The following CNTNAP4 variants were observed in gnomAD, a reference collection of about 807,000 sequenced individuals.
The protein encoded by CNTNAP4 is contactin associated protein family member 4, also known as contactin-associated protein-like 4.
CNTNAP4 carries 98 observed loss-of-function variants against 148.4 expected under a neutral mutation model. That is an observed-to-expected ratio of 0.66 (90% CI 0.56 to 0.78). The LOEUF is 0.78. Ranked by LOEUF, CNTNAP4 falls within the 30% of genes least tolerant of loss-of-function variation. The pLI is 0.00. For missense variants in CNTNAP4, 1,935 were observed against 1,565.6 expected (o/e 1.24, Z -3.98); for synonymous variants, 730 against 565.1 (o/e 1.29, Z -4.14).
intron 15 of CNTNAP4, among the ~76,000 whole-genome samples, chr16:76,519,295 G>C (rs1049901182): frequency 2.0e-5 from 3 of 152,152 alleles, no homozygotes; most frequent in Non-Finnish European, 4.4e-5. Context: ...TGGTTTCATT[G>C]CTTTAAAGAC....
intron 1 of CNTNAP4, among the ~76,000 whole-genome samples, chr16:76,289,528 A>ATT (rs5817978): frequency 0.33 from 46,558 of 141,776 alleles, 7,834 homozygotes; most frequent in African/African-American, 0.37. Context: ...TGCCTTTAGC[A>ATT]TTTTTTTTTT....
At chr16:76,543,365 T>C (rs1415719280) in intron 21 of CNTNAP4, among the ~76,000 whole-genome samples, 2 of 152,222 alleles carry the variant, frequency 1.3e-5, no homozygotes, top group Admixed American at 1.3e-4. Flanking sequence ...GTGAAATAGA[T>C]CAACAAGAGT....
chr16:76,449,811 G>A lies in CNTNAP4; in HGVS notation c.1024G>A (p.Asp342Asn), dbSNP rs2080389201. 1 of 1,606,760 alleles carries A rather than the reference G, an allele frequency of 6.2e-7. No homozygotes were observed. The highest frequency in any genetic ancestry group is 1.7e-5 in the Admixed American group (1 of 59,098). ...AGAAAATCTCTATTATAATGGAGTGGATATCATTGATTTGGCCAAGCAGCA... is the reference window on the plus strand; with the variant it reads ...AGAAAATCTCTATTATAATGGAGTGAATATCATTGATTTGGCCAAGCAGCA... ...CLENLYYNGV[D>N]IIDLAKQQKP... The change falls in exon 7 of 24, where the codon GAT (aspartate) becomes AAT (asparagine). Residue 342 changes from aspartate (D) to asparagine (N), a missense_variant. Coordinates refer to ENST00000611870, the MANE Select transcript of CNTNAP4 (RefSeq NM_033401.5).
At chr16:76,500,277 T>G (rs1323337795) in intron 15 of CNTNAP4, among the ~76,000 whole-genome samples, 1 of 152,198 alleles carries the variant, frequency 6.6e-6, no homozygotes, top group Non-Finnish European at 1.5e-5. Context: ...GGGGGCTGTA[T>G]TGTGAACATT....
chr16:76,492,730 C>A (rs539626051), intron 13 of CNTNAP4, among the ~76,000 whole-genome samples: 1 of 152,190 alleles, frequency 6.6e-6, no homozygotes, highest in Non-Finnish European at 1.5e-5. Flanking sequence ...AGCTATCTTG[C>A]TTGCCACCAT....
At chr16:76,533,862 G>C (rs1568543221) in intron 17 of CNTNAP4, among the ~76,000 whole-genome samples, 1 of 152,108 alleles carries the variant, frequency 6.6e-6, no homozygotes, top group African/African-American at 2.4e-5. Context: ...ACACCCTTAA[G>C]ACCTTGGCAT....
At chr16:76,553,686 A>G (rs2085067535) in intron 22 of CNTNAP4, 150 bp from the exon 23 acceptor site, 1 of 645,484 alleles carries the variant, frequency 1.5e-6, no homozygotes, top group East Asian at 2.7e-5. Context: ...TATGGGGGTC[A>G]TTGCCATTGA....
At chr16:76,423,649 A>G (rs1356640693) in intron 3 of CNTNAP4, among the ~76,000 whole-genome samples, 1 of 152,212 alleles carries the variant, frequency 6.6e-6, no homozygotes, top group Admixed American at 6.6e-5. Context: ...TCATTTATAA[A>G]GTAATATAGC....
At chr16:76,394,622 A>G (rs1033120499) in intron 3 of CNTNAP4, among the ~76,000 whole-genome samples, 14 of 152,224 alleles carry the variant, frequency 9.2e-5, no homozygotes, top group African/African-American at 3.1e-4. Flanking sequence ...GTTTATAATG[A>G]AAGTTTTCAC....
chr16:76,283,511 C>T (rs1044899897), intron 1 of CNTNAP4, among the ~76,000 whole-genome samples: 15 of 151,854 alleles, frequency 9.9e-5, no homozygotes, highest in African/African-American at 3.6e-4. Context: ...CTTTGTAGTG[C>T]CATGGATGGT....
intron 7 of CNTNAP4, among the ~76,000 whole-genome samples, chr16:76,451,581 T>C (rs2080472092): frequency 7.5e-6 from 1 of 133,990 alleles, no homozygotes; most frequent in African/African-American, 2.6e-5. Flanking sequence ...AAAATAAAAA[T>C]AAAAATATTT....
intron 1 of CNTNAP4, among the ~76,000 whole-genome samples, 193 bp downstream of exon 1, chr16:76,277,940 A>C (rs980331288): frequency 6.6e-6 from 1 of 152,226 alleles, no homozygotes; most frequent in African/African-American, 2.4e-5. Context: ...CAAAATAGGC[A>C]AAGTGTCATT....
chr16:76,414,796 A>G (rs1325635365), intron 3 of CNTNAP4, among the ~76,000 whole-genome samples: 1 of 151,360 alleles, frequency 6.6e-6, no homozygotes, highest in Admixed American at 6.6e-5. Context: ...AATTAGTGGC[A>G]TAATTCGAAA....
In CNTNAP4 at chr16:76,501,789, G is replaced by A. The variant is rs916729498; in HGVS notation, c.2365+3095G>A. 9.9e-5 allele frequency among the ~76,000 whole-genome samples: 15 copies of A among 152,182 alleles called. 1 individual carries two copies. The highest frequency in any genetic ancestry group is 6.5e-4 in the Admixed American group (10 of 15,284). On this transcript the variant is annotated intron_variant, in intron 15 of 23. Coordinates refer to ENST00000611870, the MANE Select transcript of CNTNAP4 (RefSeq NM_033401.5). ...TACTACATTAGCACTAAGAATTTACGGCCGGGCGCGGTGGCTCACGCCTGT... is the reference window on the plus strand; with the variant it reads ...TACTACATTAGCACTAAGAATTTACAGCCGGGCGCGGTGGCTCACGCCTGT...
chr16:76,311,197 G>A (rs886576118), intron 1 of CNTNAP4, among the ~76,000 whole-genome samples: 11 of 152,064 alleles, frequency 7.2e-5, no homozygotes, highest in African/African-American at 2.7e-4. Context: ...ATGCATTAAA[G>A]CCATTTGTAA....
At chr16:76,533,030 T>G (rs1180125862) in intron 17 of CNTNAP4, among the ~76,000 whole-genome samples, 1 of 152,164 alleles carries the variant, frequency 6.6e-6, no homozygotes, top group East Asian at 1.9e-4. Context: ...AAAAGACAGC[T>G]GCACCCCTAA....
intron 21 of CNTNAP4, among the ~76,000 whole-genome samples, chr16:76,545,904 A>G (rs2144340015): frequency 6.6e-6 from 1 of 152,088 alleles, no homozygotes; most frequent in East Asian, 1.9e-4. Context: ...GCGTGGTAGC[A>G]TGCGCCCGTA....
At chr16:76,378,397 G>A (rs1381621930) in intron 3 of CNTNAP4, among the ~76,000 whole-genome samples, 1 of 152,210 alleles carries the variant, frequency 6.6e-6, no homozygotes, top group African/African-American at 2.4e-5. Flanking sequence ...AGTAGCCTTT[G>A]TAGTAGCTAA....
intron 3 of CNTNAP4, among the ~76,000 whole-genome samples, chr16:76,394,603 T>A (rs2078134787): frequency 6.6e-6 from 1 of 152,212 alleles, no homozygotes; most frequent in Non-Finnish European, 1.5e-5. Context: ...TATAACGTAT[T>A]TAAGTGAGGT....
Sources: allele counts gnomAD v4.1 joint callset (sites outside exome capture counted in the v4.1 genomes callset), GRCh38; gene constraint gnomAD v4.1.1; transcripts MANE v1.5; gene names NCBI Gene and HGNC (gene_info 2026-07-23, HGNC 2026-07-21).